The following PTCD3 variants were observed in gnomAD, a reference collection of about 807,000 sequenced individuals.
The protein encoded by PTCD3 is small ribosomal subunit protein mS39.
A neutral mutation model predicts 101.9 loss-of-function variants in PTCD3; 89 were observed. The observed-to-expected ratio is 0.87, with a 90% CI of 0.74 to 1.04. The LOEUF is 1.04. Ranked by LOEUF, PTCD3 falls within the 50% of genes least tolerant of loss-of-function variation. The pLI is 0.00. For missense variants in PTCD3, 870 were observed against 828.2 expected (o/e 1.05, Z -0.62); for synonymous variants, 296 against 278.5 (o/e 1.06, Z -0.63).
chr2:86,116,273 C>T (rs369710872), intron 4 of PTCD3, among the ~76,000 whole-genome samples: 4 of 152,204 alleles, frequency 2.6e-5, no homozygotes, highest in East Asian at 1.9e-4. Flanking sequence ...CAGTGGCTCA[C>T]GTCTATAATC....
chr2:86,127,901 A>C, intron 13 of PTCD3, 40 bp from the exon 14 acceptor site: 1 of 1,500,614 alleles, frequency 6.7e-7, no homozygotes, highest in South Asian at 1.1e-5. Context: ...CTGTGTTTTT[A>C]CCTCATTGTT....
rs371120235 is a variant in PTCD3, at chr2:86,106,260, T to C, written c.13T>C (p.Ser5Pro). MAVVSAVRWLGLRSR... is the reference protein window; with the variant it reads MAVVPAVRWLGLRSR... ...AGAGAAATCAAAGATGGCGGTTGTA[T>C]CTGCTGTTCGCTGGCTGGGCCTCCG... The change falls in exon 1 of 24, where the codon TCT becomes CCT. Residue 5 changes from serine (S) to proline (P), a missense_variant. Physicochemically the swap from Ser to Pro is moderately conservative, Grantham distance 74. Coordinates refer to ENST00000254630, the MANE Select transcript of PTCD3 (RefSeq NM_017952.6). The C allele has an allele frequency of 5.0e-6, 8 of 1,613,982 alleles. No homozygotes were observed. The highest frequency in any genetic ancestry group is 2.7e-5 in the African/African-American group (2 of 74,936).
Position 86,142,071 on chromosome 2 carries a change from G to C in PTCD3, c.*4512G>C, listed in dbSNP as rs1674697456. 1 of 152,054 alleles carries C rather than the reference G, an allele frequency of 6.6e-6. No individual in the cohort carries two copies. The highest frequency in any genetic ancestry group is 1.5e-5 in the Non-Finnish European group (1 of 68,052). The allele number at this position is 152,054 out of a possible 1,614,324, so 9.4% of individuals were successfully genotyped here. On this transcript the variant is annotated 3_prime_UTR_variant, in exon 24 of 24. Coordinates refer to ENST00000254630, the MANE Select transcript of PTCD3 (RefSeq NM_017952.6). ...ATAAGCAATCAAGGGGGGTGGGTGT[G>C]TTGGCTGGTAAAGGAACTACTAAGA...
chr2:86,125,908 T>C (rs770937612), intron 12 of PTCD3, 28 bp downstream of exon 12: 2 of 1,455,046 alleles, frequency 1.4e-6, no homozygotes, highest in Non-Finnish European at 1.9e-6. Flanking sequence ...GTTTATTTTT[T>C]AATAGGGCTT....
chr2:86,134,883 G>GT lies in PTCD3; in HGVS notation c.1675dup (p.Tyr559LeufsTer2). The GT allele has an allele frequency of 6.2e-7, 1 of 1,614,116 alleles. No homozygotes were observed. The highest frequency in any genetic ancestry group is 8.5e-7 in the Non-Finnish European group (1 of 1,180,002). The stretch of plus-strand genomic sequence containing the variant: ...ACTGTGCTGCTGATATCAAATCTGC[G>GT]TATGAAAGCCAACCCATCAGACAGA... On this transcript the variant is annotated frameshift_variant, in exon 21 of 24. Transcript: ENST00000254630. LOFTEE classifies it high-confidence loss of function.
intron 14 of PTCD3, among the ~76,000 whole-genome samples, chr2:86,129,599 C>G (rs1220317679): frequency 2.0e-5 from 3 of 152,096 alleles, no homozygotes; most frequent in African/African-American, 7.2e-5. Flanking sequence ...CTGCGTTTGC[C>G]CCACTGCACT....
intron 3 of PTCD3, 154 bp downstream of exon 3, chr2:86,108,690 C>CA (rs1674014031): frequency 6.1e-6 from 4 of 656,660 alleles, no homozygotes; most frequent in Admixed American, 6.0e-5. Context: ...GTTTAAAGGA[C>CA]AAAAAATGGA....
intron 8 of PTCD3, among the ~76,000 whole-genome samples, chr2:86,122,772 C>T (rs1005987335): frequency 5.3e-5 from 8 of 152,174 alleles, no homozygotes; most frequent in Non-Finnish European, 7.3e-5. Context: ...CAGTAGGTTG[C>T]AGTTAAACCT....
intron 14 of PTCD3, among the ~76,000 whole-genome samples, chr2:86,128,816 C>T (rs1232692642): frequency 2.0e-5 from 3 of 152,182 alleles, no homozygotes; most frequent in African/African-American, 7.2e-5. Context: ...TAGATACCTA[C>T]CTGAGGAATA....
chr2:86,130,516 C>G (rs1239541433), intron 14 of PTCD3, 132 bp from the exon 15 acceptor site: 4 of 1,376,010 alleles, frequency 2.9e-6, no homozygotes, highest in Admixed American at 2.8e-5. Context: ...AAGCATTGGC[C>G]TCCACCCAGA....
intron 4 of PTCD3, among the ~76,000 whole-genome samples, chr2:86,114,129 C>T (rs562269267): frequency 2.0e-5 from 3 of 152,196 alleles, no homozygotes; most frequent in African/African-American, 7.2e-5. Context: ...TTTATCCATT[C>T]ATTCAGCAAC....
chr2:86,108,231 T>C (rs1222470712), intron 1 of PTCD3, 119 bp from the exon 2 acceptor site: 1 of 1,109,024 alleles, frequency 9.0e-7, no homozygotes, highest in African/African-American at 1.6e-5. Context: ...TTCATTGACA[T>C]GAGTTATCCA....
rs1304516541 is a variant in PTCD3 at position 86,140,570 on chromosome 2, T to C, written c.*3011T>C. The C allele has an allele frequency of 2.0e-5, 3 of 152,176 alleles. No individual in the cohort carries two copies. Among genetic ancestry groups the C allele is most frequent in the African/African-American group, 7.2e-5 (3 of 41,434 alleles). The allele number at this position is 152,176 out of a possible 1,614,324, so 9.4% of individuals were successfully genotyped here. On this transcript the variant is annotated 3_prime_UTR_variant, in exon 24 of 24. Transcript: ENST00000254630. ...GTCATGGTCAAAAAGTAAGATACGC[T>C]AGGAAATTGAGTCACTAGGAGCATG...
In PTCD3 at chr2:86,140,185, G is replaced by A. The variant is rs1674658649; in HGVS notation, c.*2626G>A. On this transcript the variant is annotated 3_prime_UTR_variant, in exon 24 of 24. Coordinates refer to ENST00000254630, the MANE Select transcript of PTCD3 (RefSeq NM_017952.6). ...AAACAGAACTTCGAGAAGTCCTAAC[G>A]TAACCACAGTAAAGCAGACTCCCCT... The A allele has an allele frequency of 1.4e-5, 2 of 142,756 alleles. No individual in the cohort carries two copies. Among genetic ancestry groups the A allele is most frequent in the African/African-American group, 5.2e-5 (2 of 38,176 alleles). 8.8% of individuals were successfully genotyped at this position (142,756 alleles called of 1,614,324 possible).
rs764003986 is a variant in PTCD3, at chr2:86,125,017, A to C, written c.739A>C (p.Ile247Leu). The C allele has an allele frequency of 6.2e-7, 1 of 1,614,118 alleles. No individual in the cohort carries two copies. Among genetic ancestry groups the C allele is most frequent in the African/African-American group, 1.3e-5 (1 of 75,062 alleles). The part of the protein sequence containing the change: ...TWRAKNNAER[I>L]FSLMPEKNEH... Reference sequence around the variant, plus strand: ...TAGAGCAAAAAACAACGCTGAGAGAATCTTTTCTCTAATGCCAGAGAAAAA... The same window carrying C: ...TAGAGCAAAAAACAACGCTGAGAGACTCTTTTCTCTAATGCCAGAGAAAAA... The change falls in exon 10 of 24, where the codon ATC (isoleucine) becomes CTC (leucine). Residue 247 changes from isoleucine (I) to leucine (L), a missense_variant. Transcript: ENST00000254630.
At chr2:86,112,492 T>A (rs1056330529) in intron 4 of PTCD3, among the ~76,000 whole-genome samples, 5 of 151,472 alleles carry the variant, frequency 3.3e-5, no homozygotes, top group Admixed American at 3.3e-4. Flanking sequence ...ACCAGCATGG[T>A]GAACATGGTG....
At chr2:86,117,193 C>A in intron 6 of PTCD3, 34 bp downstream of exon 6, 1 of 786,368 alleles carries the variant, frequency 1.3e-6, no homozygotes, top group Non-Finnish European at 2.2e-6. Flanking sequence ...TTACATAATA[C>A]TATTTTAAAT....
chr2:86,123,041 T>G (rs1674319512), intron 8 of PTCD3, among the ~76,000 whole-genome samples: 1 of 152,028 alleles, frequency 6.6e-6, no homozygotes, highest in Non-Finnish European at 1.5e-5. Flanking sequence ...GGGTGGATCA[T>G]GAGGTCAGGA....
At chr2:86,128,389 G>A (rs77945442) in intron 14 of PTCD3, among the ~76,000 whole-genome samples, 3 of 151,406 alleles carry the variant, frequency 2.0e-5, no homozygotes, top group Non-Finnish European at 4.4e-5. Flanking sequence ...CAGTGATGTT[G>A]TACAAACAGG....
Sources: gnomAD v4.1 joint callset for allele counts (sites outside exome capture counted in the v4.1 genomes callset) on GRCh38, gnomAD v4.1.1 for gene constraint, MANE v1.5 for transcripts, NCBI Gene and HGNC (gene_info 2026-07-23, HGNC 2026-07-21) for gene names.